LARGE1: variants seen among roughly 807,000 people sequenced by gnomAD.
LARGE1 encodes the protein xylosyl- and glucuronyltransferase LARGE1.
Under a neutral mutation model 87.6 loss-of-function variants are expected in LARGE1, and 43 were observed. The observed-to-expected ratio is 0.49, with a 90% confidence interval of 0.38 to 0.63. The LOEUF (loss-of-function observed/expected upper bound fraction) is 0.63. LARGE1 is among the 30% of genes least tolerant of loss of function. LARGE1 has a pLI of 0.00. For missense variants in LARGE1, 802 were observed against 1,000.2 expected (o/e 0.80, Z 2.67); for synonymous variants, 434 against 394.6 (o/e 1.10, Z -1.18).
chr22:33,882,567 C>T (rs1484849784), intron 1 of LARGE1, among the ~76,000 whole-genome samples: 2 of 152,162 alleles, frequency 1.3e-5, no homozygotes, highest in Non-Finnish European at 2.9e-5. Context: ...AACTCAGCCT[C>T]TCATCAGTAA....
intron 4 of LARGE1, among the ~76,000 whole-genome samples, chr22:33,612,332 G>A (rs891720573): frequency 6.6e-6 from 1 of 152,182 alleles, no homozygotes; most frequent in African/African-American, 2.4e-5. Flanking sequence ...TTGAACTCTT[G>A]ACCTCAAGAT....
the LARGE1 span, among the ~76,000 whole-genome samples, chr22:33,146,220 GAGACAGAAGGTCAA>G: frequency 6.6e-6 from 1 of 152,196 alleles, no homozygotes; most frequent in Non-Finnish European, 1.5e-5. Flanking sequence ...GTGGTACCTG[GAGACAGAAGGTCAA>G]AGATAGAAGT....
intron 11 of LARGE1, among the ~76,000 whole-genome samples, chr22:33,315,294 C>T (rs959801689): frequency 7.9e-5 from 12 of 152,164 alleles, no homozygotes; most frequent in Admixed American, 4.6e-4. Flanking sequence ...ATACAACTCC[C>T]GAGGTGATTC....
intron 10 of LARGE1, among the ~76,000 whole-genome samples, chr22:33,333,391 C>T (rs1370420963): frequency 1.3e-5 from 2 of 152,054 alleles, no homozygotes; most frequent in Non-Finnish European, 2.9e-5. Context: ...TGATTTTTCT[C>T]TAATATAAAT....
intron 2 of LARGE1, among the ~76,000 whole-genome samples, chr22:33,711,683 A>T (rs1569395557): frequency 6.6e-6 from 1 of 152,204 alleles, no homozygotes; most frequent in Non-Finnish European, 1.5e-5. Flanking sequence ...GTCTCACTTT[A>T]TCACCCAGGC....
In LARGE1 at chr22:33,485,388, A is replaced by G. The variant is rs538457413; in HGVS notation, c.788-53123T>C. On this transcript the variant is annotated intron_variant, in intron 6 of 14. Transcript: ENST00000397394. ...GCCACCACACCCAGCTAATTTTTGT[A>G]TTTTTAGTAGAGACCGGGTTTCACC... Among the ~76,000 whole-genome samples, 173 of 151,844 alleles carry G rather than the reference A, an allele frequency of 1.1e-3. 1 individual carries two copies. Among genetic ancestry groups the G allele is most frequent in the African/African-American group, 3.9e-3 (161 of 41,386 alleles).
intron 11 of LARGE1, among the ~76,000 whole-genome samples, chr22:33,172,281 G>A (rs1922617693): frequency 6.6e-6 from 1 of 152,226 alleles, no homozygotes; most frequent in Non-Finnish European, 1.5e-5. Flanking sequence ...TCTCAGATGA[G>A]ACTTTGGACT....
intron 11 of LARGE1, among the ~76,000 whole-genome samples, chr22:33,182,247 T>A (rs137380): frequency 0.45 from 68,985 of 152,044 alleles, 15,992 homozygotes; most frequent in Middle Eastern, 0.51. Context: ...AATTTTTTAT[T>A]ATATATTAGG....
intron 1 of LARGE1, among the ~76,000 whole-genome samples, chr22:33,911,267 C>G (rs747735098): frequency 6.6e-6 from 1 of 152,144 alleles, no homozygotes; most frequent in Non-Finnish European, 1.5e-5. Flanking sequence ...TTAGTTTCTA[C>G]GGATGTAAAA....
intron 11 of LARGE1, among the ~76,000 whole-genome samples, chr22:33,192,253 C>T (rs1039385261): frequency 2.0e-5 from 3 of 152,100 alleles, no homozygotes; most frequent in Non-Finnish European, 4.4e-5. Flanking sequence ...CTGAGACATC[C>T]GAAAGGTGTT....
At chr22:33,635,914 C>T (rs1014386234) in intron 3 of LARGE1, among the ~76,000 whole-genome samples, 4 of 152,178 alleles carry the variant, frequency 2.6e-5, no homozygotes, top group Non-Finnish European at 2.9e-5. Context: ...AGATGCACCA[C>T]CTGGCTTTGT....
At chr22:33,301,935 T>G (rs1934203404) in intron 12 of LARGE1, among the ~76,000 whole-genome samples, 1 of 152,052 alleles carries the variant, frequency 6.6e-6, no homozygotes, top group African/African-American at 2.4e-5. Flanking sequence ...ATGATGCCCA[T>G]GAGGTCAAAT....
At chr22:33,811,745 C>T (rs2086502081) in intron 1 of LARGE1, among the ~76,000 whole-genome samples, 1 of 152,156 alleles carries the variant, frequency 6.6e-6, no homozygotes, top group African/African-American at 2.4e-5. Context: ...CAAAGAGGCT[C>T]TAGCAGGGAA....
chr22:33,464,871 C>A (rs947043907), intron 6 of LARGE1, among the ~76,000 whole-genome samples: 2 of 138,486 alleles, frequency 1.4e-5, no homozygotes. Flanking sequence ...TACACACACA[C>A]TGCACACACA....
chr22:33,921,269 G>A (rs1230577337), upstream of LARGE1, among the ~76,000 whole-genome samples: 1 of 152,148 alleles, frequency 6.6e-6, no homozygotes, highest in Non-Finnish European at 1.5e-5. The surrounding 1 kb of genome is among the most constrained non-coding windows in gnomAD (Gnocchi z 4.1). Flanking sequence ...CCGGGATCCC[G>A]GGCCGGGTCG....
At chr22:33,761,251 T>A (rs2084718448) in intron 2 of LARGE1, 120 bp downstream of exon 2, 1 of 878,758 alleles carries the variant, frequency 1.1e-6, no homozygotes, top group Non-Finnish European at 1.9e-6. Context: ...GACAAGTCAC[T>A]TCCCATGACT....
intron 11 of LARGE1, among the ~76,000 whole-genome samples, chr22:33,223,221 C>T (rs1172883472): frequency 6.6e-6 from 1 of 152,180 alleles, no homozygotes; most frequent in South Asian, 2.1e-4. Context: ...TATTCGTTCG[C>T]TTCCTAAAGC....
At chr22:33,782,694 G>A (rs1046869232) in intron 1 of LARGE1, among the ~76,000 whole-genome samples, 7 of 151,682 alleles carry the variant, frequency 4.6e-5, no homozygotes, top group African/African-American at 9.7e-5. Context: ...GTGAAACCCC[G>A]TCTCTACTAA....
intron 9 of LARGE1, among the ~76,000 whole-genome samples, chr22:33,364,044 G>A (rs1033090768): frequency 1.4e-5 from 2 of 141,146 alleles, no homozygotes; most frequent in African/African-American, 5.6e-5. Context: ...TGGTCAAAGT[G>A]CATCTTTGCT....
Sources: allele counts gnomAD v4.1 joint callset (sites outside exome capture counted in the v4.1 genomes callset), GRCh38; gene constraint gnomAD v4.1.1; non-coding constraint Gnocchi (gnomAD v3.1); transcripts MANE v1.5; gene names NCBI Gene and HGNC (gene_info 2026-07-23, HGNC 2026-07-21).